The following ENTREP1 variants were observed in gnomAD, a reference collection of about 807,000 sequenced individuals.
ENTREP1 encodes the protein Friedreich ataxia region gene X123.
the ENTREP1 span, among the ~76,000 whole-genome samples, chr9:69,353,860 T>C: frequency 1.3e-5 from 2 of 152,176 alleles, no homozygotes; most frequent in Non-Finnish European, 2.9e-5. Context: ...TTATATGTTA[T>C]TGTTGTTCTT....
chr9:69,388,317 C>T, the ENTREP1 span: 13 of 1,614,046 alleles, frequency 8.1e-6, no homozygotes, highest in Admixed American at 1.7e-5. Context: ...CTGCTGGTGG[C>T]GAGGTTCCTG....
chr9:69,376,463 A>G, the ENTREP1 span, among the ~76,000 whole-genome samples: 1 of 152,258 alleles, frequency 6.6e-6, no homozygotes, highest in Admixed American at 6.5e-5. Flanking sequence ...ATTAGCCTTC[A>G]TCAGGGAATT....
At chr9:69,325,623 T>G in the ENTREP1 span, 270 of 1,230,652 alleles carry the variant, frequency 2.2e-4, no homozygotes, top group Non-Finnish European at 2.5e-4. Flanking sequence ...CTGCTTCAGC[T>G]GATCTTGGGC....
At chr9:69,348,115 T>G in the ENTREP1 span, among the ~76,000 whole-genome samples, 3 of 152,038 alleles carry the variant, frequency 2.0e-5, no homozygotes, top group Non-Finnish European at 1.5e-5. Context: ...AGCTGCTGCT[T>G]CTTTCTGTCT....
At chr9:69,387,995 T>TGTTATA in the ENTREP1 span, 632,303 of 1,547,288 alleles carry the variant, frequency 0.41, 131,561 homozygotes, top group African/African-American at 0.56. Context: ...AATAACCTTG[T>TGTTATA]GTTGTTTTCC....
chr9:69,378,494 G>A, the ENTREP1 span, among the ~76,000 whole-genome samples: 2 of 152,106 alleles, frequency 1.3e-5, no homozygotes, highest in South Asian at 2.1e-4. Context: ...TAGGCGCGGC[G>A]TGGTGGCTCA....
At chr9:69,353,848 G>C in the ENTREP1 span, among the ~76,000 whole-genome samples, 4 of 152,056 alleles carry the variant, frequency 2.6e-5, no homozygotes, top group Admixed American at 1.3e-4. Flanking sequence ...ACTCCAATTG[G>C]CTTATATGTT....
chr9:69,346,100 A>G, the ENTREP1 span, among the ~76,000 whole-genome samples: 1 of 151,274 alleles, frequency 6.6e-6, no homozygotes, highest in African/African-American at 2.4e-5. Flanking sequence ...CTCCTGTCTC[A>G]GCTTCCCGGG....
chr9:69,371,842 A>G, the ENTREP1 span, among the ~76,000 whole-genome samples: 2 of 152,250 alleles, frequency 1.3e-5, no homozygotes, highest in Non-Finnish European at 2.9e-5. Flanking sequence ...CCATAGTGAT[A>G]TAATGCATCA....
the ENTREP1 span, among the ~76,000 whole-genome samples, chr9:69,331,953 G>A: frequency 1.3e-5 from 2 of 152,204 alleles, no homozygotes; most frequent in Admixed American, 1.3e-4. Context: ...GCCACCAAGG[G>A]AGGTGGAGGC....
chr9:69,333,821 C>T, the ENTREP1 span, among the ~76,000 whole-genome samples: 2 of 152,194 alleles, frequency 1.3e-5, no homozygotes, highest in Non-Finnish European at 2.9e-5. Context: ...GTCCAGTAGG[C>T]ACCGGAGTGG....
the ENTREP1 span, chr9:69,391,652 C>T: frequency 1.4e-5 from 22 of 1,614,026 alleles, no homozygotes; most frequent in South Asian, 1.2e-4. Flanking sequence ...GCTGCCCTCG[C>T]GGAGACAGCC....
At chr9:69,327,009 T>C in the ENTREP1 span, among the ~76,000 whole-genome samples, 1 of 49,352 alleles carries the variant, frequency 2.0e-5, no homozygotes, top group African/African-American at 1.3e-4. Flanking sequence ...AAGACCAAAT[T>C]GAAAAAAAAA....
At chr9:69,324,785 A>G in the ENTREP1 span, 45 of 984,512 alleles carry the variant, frequency 4.6e-5, no homozygotes, top group Non-Finnish European at 5.3e-5. Context: ...CCCCCTTCTC[A>G]CTAAAGCGCG....
the ENTREP1 span, among the ~76,000 whole-genome samples, chr9:69,364,007 A>T: frequency 6.6e-6 from 1 of 152,156 alleles, no homozygotes; most frequent in Non-Finnish European, 1.5e-5. Context: ...TAAAATTTGA[A>T]TGTCCCTTCC....
the ENTREP1 span, among the ~76,000 whole-genome samples, chr9:69,341,600 A>G: frequency 6.6e-6 from 1 of 152,160 alleles, no homozygotes; most frequent in Admixed American, 6.5e-5. Context: ...ATGGAGAGTC[A>G]TAGAATACTT....
At chr9:69,388,341 G>A in the ENTREP1 span, 1 of 1,614,204 alleles carries the variant, frequency 6.2e-7, no homozygotes, top group Non-Finnish European at 8.5e-7. Context: ...CAGTCCTCTT[G>A]TACCATGACC....
At chr9:69,364,204 AG>A in the ENTREP1 span, among the ~76,000 whole-genome samples, 3 of 152,200 alleles carry the variant, frequency 2.0e-5, no homozygotes, top group Non-Finnish European at 4.4e-5. Context: ...AAATAATTTT[AG>A]GTGACTCTCT....
chr9:69,375,838 T>C, the ENTREP1 span: 2 of 1,614,082 alleles, frequency 1.2e-6, no homozygotes, highest in Non-Finnish European at 1.7e-6. Flanking sequence ...GGTTCAGCCC[T>C]GTAGTGCTGT....
Sources: allele counts gnomAD v4.1 joint callset (sites outside exome capture counted in the v4.1 genomes callset), GRCh38; gene constraint gnomAD v4.1.1; transcripts MANE v1.5; gene names NCBI Gene and HGNC (gene_info 2026-07-23, HGNC 2026-07-21).